The following CHST9 variants were observed in gnomAD, a reference collection of about 807,000 sequenced individuals.
CHST9 encodes carbohydrate sulfotransferase 9, also known as GalNAc-4-sulfotransferase 2.
A neutral mutation model predicts 44.4 loss-of-function variants in CHST9; 41 were observed. The observed-to-expected ratio is 0.92, with a 90% CI of 0.72 to 1.20. The LOEUF is 1.20. Among genes scored for constraint, CHST9 ranks in the 50% most tolerant of loss-of-function variants. The pLI, the probability that CHST9 is intolerant of heterozygous loss-of-function variation, is 0.00. For synonymous variants in CHST9, 171 were observed against 178.4 expected, an observed-to-expected ratio of 0.96 and a Z score of 0.33; for missense variants, 504 against 516.5, an observed-to-expected ratio of 0.98 and a Z score of 0.23.
intron 2 of CHST9, among the ~76,000 whole-genome samples, chr18:27,106,756 C>A (rs1446793531): frequency 6.6e-6 from 1 of 152,102 alleles, no homozygotes; most frequent in Non-Finnish European, 1.5e-5. Context: ...AATTTTCTTT[C>A]TTAATTTTGA....
intron 4 of CHST9, among the ~76,000 whole-genome samples, chr18:26,956,523 T>C (rs1598592646): frequency 6.6e-6 from 1 of 150,526 alleles, no homozygotes; most frequent in East Asian, 1.9e-4. Context: ...ATTATATTAT[T>C]TTTGTGGTCC....
At chr18:27,078,062 T>C (rs2057923274) in intron 2 of CHST9, among the ~76,000 whole-genome samples, 1 of 152,164 alleles carries the variant, frequency 6.6e-6, no homozygotes, top group East Asian at 1.9e-4. Flanking sequence ...TCTGACCCCA[T>C]GGTCCAATCA....
Position 26,944,363 on chromosome 18 carries a change from C to A in CHST9, c.206G>T (p.Ser69Ile), listed in dbSNP as rs2056130565. ...KYLRPVPRIMSTEKIQEHITN... is the reference protein window; with the variant it reads ...KYLRPVPRIMITEKIQEHITN... ...GATATGTTCCTGGATTTTTTCTGTA[C>A]TCACTGAAAGAGAAAGCAAAAAGAA... Residue 69 changes from serine to isoleucine, a missense_variant, in exon 5 of 6, where the codon AGT becomes ATT. Coordinates refer to ENST00000618847, the MANE Select transcript of CHST9 (RefSeq NM_031422.6). The A allele has an allele frequency of 6.2e-7, 1 of 1,606,026 alleles. No homozygotes were observed. Among genetic ancestry groups the A allele is most frequent in the Admixed American group, 1.7e-5 (1 of 59,918 alleles).
intron 3 of CHST9, among the ~76,000 whole-genome samples, chr18:27,042,121 T>C (rs1010384894): frequency 2.0e-5 from 3 of 152,118 alleles, no homozygotes; most frequent in Non-Finnish European, 4.4e-5. Flanking sequence ...TGTGAGACTT[T>C]GTTTATACCA....
intron 2 of CHST9, among the ~76,000 whole-genome samples, chr18:27,058,391 T>A (rs1373163005): frequency 6.6e-6 from 1 of 152,216 alleles, no homozygotes; most frequent in African/African-American, 2.4e-5. Flanking sequence ...AAAAAAATGA[T>A]AACACATTAA....
At chr18:27,002,459 G>A (rs2056965428) in intron 4 of CHST9, among the ~76,000 whole-genome samples, 1 of 152,136 alleles carries the variant, frequency 6.6e-6, no homozygotes, top group Admixed American at 6.5e-5. Flanking sequence ...TGGTGCAAAA[G>A]CTATATCCAT....
At chr18:27,015,432 A>C (rs7233878) in intron 4 of CHST9, among the ~76,000 whole-genome samples, 2,133 of 151,630 alleles carry the variant, frequency 0.014, 62 homozygotes, top group African/African-American at 0.049. Flanking sequence ...CTGCCTGGCC[A>C]GTGTAGGGCG....
chr18:26,931,098 T>C (rs41356748), intron 5 of CHST9, among the ~76,000 whole-genome samples: 8,787 of 152,204 alleles, frequency 0.058, 829 homozygotes, highest in African/African-American at 0.2. Flanking sequence ...CTCTTTTACA[T>C]TGAGATGTTG....
Position 26,917,171 on chromosome 18 carries a change from C to G in CHST9, c.420G>C (p.Lys140Asn), listed in dbSNP as rs531826598. 2.5e-6 allele frequency: 4 copies of G among 1,613,928 alleles called. No individual in the cohort carries two copies. The East Asian group carries it at 8.9e-5, about 36-fold the overall frequency. Residue 140 changes from lysine (K) to asparagine (N), a missense_variant, in exon 6 of 6, where the codon AAG becomes AAC. Lys to Asn is a moderately conservative substitution (Grantham distance 94, BLOSUM62 0). Transcript: ENST00000618847. The stretch of plus-strand genomic sequence containing the variant: ...TGTTGCTGAACTTGTTAAAAACAGT[C>G]TTAGCTCCTTGACGTTTTTCAATCA... ...EKLIEKRQGA[K>N]TVFNKFSNMN...
rs146148741 is a variant in CHST9, at chr18:27,038,171, A to G, written c.160+10294T>C. 5.3e-3 allele frequency among the ~76,000 whole-genome samples: 805 copies of G among 152,320 alleles called. 8 individuals carry two copies. Among genetic ancestry groups the G allele is most frequent in the African/African-American group, 0.019 (779 of 41,570 alleles). ...GTTTTTTCTTATGTTTTAGATAAAC[A>G]CTAGAAAAGTAAATTTTAAAAATGA... On this transcript the variant is annotated intron_variant, in intron 3 of 5. Transcript: ENST00000618847.
At chr18:27,141,331 C>T (rs1053027412) in intron 2 of CHST9, among the ~76,000 whole-genome samples, 3 of 151,996 alleles carry the variant, frequency 2.0e-5, no homozygotes, top group African/African-American at 7.2e-5. Context: ...CGCCACTGCA[C>T]TCCAGCCTAG....
At chr18:27,032,258 G>A (rs1456694098) in intron 3 of CHST9, among the ~76,000 whole-genome samples, 2 of 152,116 alleles carry the variant, frequency 1.3e-5, no homozygotes, top group African/African-American at 4.8e-5. Flanking sequence ...AAGCCTTAGA[G>A]GTCCAGAGAT....
At chr18:27,006,532 T>C (rs1039229826) in intron 4 of CHST9, among the ~76,000 whole-genome samples, 4 of 152,206 alleles carry the variant, frequency 2.6e-5, no homozygotes, top group Admixed American at 2.0e-4. Flanking sequence ...TCAAGTGTGG[T>C]TGAGATGTCA....
chr18:27,022,714 A>C (rs2057240060), intron 4 of CHST9, among the ~76,000 whole-genome samples: 1 of 152,112 alleles, frequency 6.6e-6, no homozygotes, highest in African/African-American at 2.4e-5. Flanking sequence ...TTCATTCTTT[A>C]AAGAATCAGT....
At chr18:27,129,532 A>G (rs2058454493) in intron 2 of CHST9, among the ~76,000 whole-genome samples, 1 of 152,064 alleles carries the variant, frequency 6.6e-6, no homozygotes, top group Non-Finnish European at 1.5e-5. Flanking sequence ...AGATGGGATT[A>G]CAGATGTGCA....
intron 2 of CHST9, among the ~76,000 whole-genome samples, chr18:27,101,617 AT>A (rs1293698833): frequency 2.1e-5 from 3 of 144,794 alleles, no homozygotes; most frequent in African/African-American, 7.7e-5. Context: ...CTCAAAAAAA[AT>A]AAAAATAAAA....
At chr18:26,973,895 C>G (rs1598607637) in intron 4 of CHST9, among the ~76,000 whole-genome samples, 1 of 152,296 alleles carries the variant, frequency 6.6e-6, no homozygotes, top group East Asian at 1.9e-4. Flanking sequence ...CTCTTGTGTT[C>G]AGACTCTCAT....
intron 2 of CHST9, among the ~76,000 whole-genome samples, chr18:27,120,350 G>A (rs1046950407): frequency 3.3e-5 from 5 of 152,142 alleles, no homozygotes; most frequent in African/African-American, 1.2e-4. Flanking sequence ...GTTACCACCA[G>A]TAATAACAGA....
chr18:27,181,474 G>A (rs1422920020), intron 1 of CHST9, among the ~76,000 whole-genome samples: 1 of 152,158 alleles, frequency 6.6e-6, no homozygotes, highest in East Asian at 1.9e-4. Context: ...GTACAGAGAT[G>A]AAATGGACCA....
Sources: allele counts gnomAD v4.1 joint callset (sites outside exome capture counted in the v4.1 genomes callset), GRCh38; gene constraint gnomAD v4.1.1; transcripts MANE v1.5; gene names NCBI Gene and HGNC (gene_info 2026-07-23, HGNC 2026-07-21).